Variants in LILRB4 observed in about 807,000 individuals in gnomAD.
LILRB4 encodes the protein leukocyte immunoglobulin like receptor B4, also known as leukocyte immunoglobulin-like receptor subfamily B member 4.
Under a neutral mutation model 55.2 loss-of-function variants are expected in LILRB4, and 49 were observed. The ratio of observed to expected loss-of-function variants is 0.89; its 90% CI spans 0.71 to 1.13. The LOEUF is 1.13. LILRB4 is among the 50% of genes most tolerant of loss of function. The probability of loss-of-function intolerance (pLI) is 0.00; values close to 1 mark genes in which losing one functional copy is unlikely to be tolerated. For synonymous variants in LILRB4, 229 were observed against 213.8 expected (o/e 1.07, Z -0.62); for missense variants, 590 against 555.2 (o/e 1.06, Z -0.63).
chr19:54,666,688 C>A lies in LILRB4; in HGVS notation c.989-9C>A. On this transcript the variant is annotated splice_polypyrimidine_tract_variant and intron_variant, in intron 9 of 11. Coordinates refer to ENST00000430952, the Ensembl canonical transcript of LILRB4. The surrounding 1 kb of genome is among the most constrained non-coding windows in gnomAD (Gnocchi z 4.8). ...CCCAGGAGATGAACCCCTTGCTCTACCCCAGCAGGTGCTGCCGTGAAGAAC... is the reference window on the plus strand; with the variant it reads ...CCCAGGAGATGAACCCCTTGCTCTAACCCAGCAGGTGCTGCCGTGAAGAAC... The A allele has an allele frequency of 1.2e-6, 2 of 1,613,900 alleles. No individual in the cohort carries two copies. Among genetic ancestry groups the A allele is most frequent in the South Asian group, 2.2e-5 (2 of 91,068 alleles).
chr19:54,664,699 C>A (rs2065186083), intron 4 of LILRB4, 100 bp from the exon 5 acceptor site: 1 of 1,087,600 alleles, frequency 9.2e-7, no homozygotes, highest in Non-Finnish European at 1.3e-6. Context: ...GAGAAATGGT[C>A]CTTGGGAAGC....
At chr19:54,663,438 CGTCT>C (rs1283712348) in intron 1 of LILRB4, 90 bp from the exon 2 acceptor site, 15 of 559,440 alleles carry the variant, frequency 2.7e-5, no homozygotes, top group Non-Finnish European at 3.9e-5. Flanking sequence ...AGCGAGACTC[CGTCT>C]CAAAAAAAAA....
intron 3 of LILRB4, 42 bp downstream of exon 3, chr19:54,664,080 C>T (rs779048956): frequency 6.2e-7 from 1 of 1,607,254 alleles, no homozygotes; most frequent in Non-Finnish European, 8.5e-7. Flanking sequence ...GCTCTGCCCT[C>T]AGGAAGGGGG....
exon 4 of LILRB4, chr19:54,664,215 C>T: frequency 6.2e-7 from 1 of 1,613,978 alleles, no homozygotes; most frequent in Non-Finnish European, 8.5e-7. Flanking sequence ...CCTTTCAGCC[C>T]TGCCGAGTCC....
rs1293285686 is a variant in LILRB4, at chr19:54,663,172, C to G, written c.34+105C>G. On this transcript the variant is annotated intron_variant, in intron 1 of 11. Coordinates refer to ENST00000430952, the Ensembl canonical transcript of LILRB4. ...ACTCAAAAATCTCAGGGTAGCCGGGCGCGGTGGCTCACGCCTGTAATCCCA... is the reference window on the plus strand; with the variant it reads ...ACTCAAAAATCTCAGGGTAGCCGGGGGCGGTGGCTCACGCCTGTAATCCCA... 1.8e-5 allele frequency: 24 copies of G among 1,337,934 alleles called. No individual in the cohort carries two copies. The East Asian group carries it at 5.5e-4, about 31-fold the overall frequency. The allele number at this position is 1,337,934 out of a possible 1,614,324, so 82.9% of individuals were successfully genotyped here. A position where few individuals can be genotyped will look rare whatever the true frequency, so the allele number is the denominator to read the frequency against.
chr19:54,667,822 G>T (rs749578799), intron 11 of LILRB4, 29 bp downstream of exon 11: 1 of 1,605,696 alleles, frequency 6.2e-7, no homozygotes, highest in African/African-American at 1.4e-5. Context: ...AGGCCCCCAG[G>T]CCTCCCCCAC....
In LILRB4 at chr19:54,666,736, A is replaced by C; in HGVS notation, c.1028A>C (p.Glu343Ala). The change falls in exon 10 of 12, where the codon GAA (glutamate) becomes GCA (alanine). Residue 343 changes from glutamate (E) to alanine (A), a missense_variant. Transcript: ENST00000430952. The surrounding 1 kb of genome is among the most constrained non-coding windows in gnomAD (Gnocchi z 4.8). ...AACACACAGCCTGAGGACGGGGTGGAAATGGACACTCGGGTGAGAACCCGC... is the reference window on the plus strand; with the variant it reads ...AACACACAGCCTGAGGACGGGGTGGCAATGGACACTCGGGTGAGAACCCGC... 6.2e-7 allele frequency: 1 copy of C among 1,614,184 alleles called. No homozygotes were observed. The highest frequency in any genetic ancestry group is 1.1e-5 in the South Asian group (1 of 91,078).
Position 54,666,720 on chromosome 19 carries a change from C to T in LILRB4, c.1012C>T (p.Pro338Ser), listed in dbSNP as rs117405938. 3.1e-3 allele frequency: 5,006 copies of T among 1,614,128 alleles called. 23 individuals carry two copies. The highest frequency in any genetic ancestry group is 3.1e-3 in the Non-Finnish European group (3,695 of 1,179,942). ...AGGTGCTGCCGTGAAGAACACACAGCCTGAGGACGGGGTGGAAATGGACAC... is the reference window on the plus strand; with the variant it reads ...AGGTGCTGCCGTGAAGAACACACAGTCTGAGGACGGGGTGGAAATGGACAC... The change falls in exon 10 of 12, where the codon CCT becomes TCT. Residue 338 changes from proline (P) to serine (S), a missense_variant. Transcript: ENST00000430952. The surrounding 1 kb of genome is among the most constrained non-coding windows in gnomAD (Gnocchi z 4.8).
At chr19:54,663,509 C>G (rs1252108573) in intron 1 of LILRB4, 23 bp from the exon 2 acceptor site, 1 of 1,612,680 alleles carries the variant, frequency 6.2e-7, no homozygotes, top group South Asian at 1.1e-5. Context: ...GGGGCAAATC[C>G]CTCACAGGGA....
chr19:54,663,960 G>C, exon 3 of LILRB4: 1 of 1,614,168 alleles, frequency 6.2e-7, no homozygotes, highest in Non-Finnish European at 8.5e-7. Context: ...AGAGGACTAT[G>C]CAGGGAGATA....
Position 54,666,737 on chromosome 19 carries a change from A to C in LILRB4, c.1029A>C (p.Glu343Asp), listed in dbSNP as rs144393412. The C allele has an allele frequency of 6.2e-7, 1 of 1,614,156 alleles. No individual in the cohort carries two copies. Among genetic ancestry groups the C allele is most frequent in the Non-Finnish European group, 8.5e-7 (1 of 1,179,998 alleles). ...ACACACAGCCTGAGGACGGGGTGGA[A>C]ATGGACACTCGGGTGAGAACCCGCC... Residue 343 changes from glutamate (E) to aspartate (D), a missense_variant, in exon 10 of 12, where the codon GAA becomes GAC. Physicochemically the swap from Glu to Asp is conservative, Grantham distance 45. Transcript: ENST00000430952. The surrounding 1 kb of genome is among the most constrained non-coding windows in gnomAD (Gnocchi z 4.8).
At chr19:54,663,261 A>G (rs1162724804) in intron 1 of LILRB4, among the ~76,000 whole-genome samples, 194 bp downstream of exon 1, 2 of 151,846 alleles carry the variant, frequency 1.3e-5, no homozygotes, top group Non-Finnish European at 2.9e-5. Context: ...CCTGGCTAAC[A>G]CGGTGAAACC....
At chr19:54,663,959 T>C (rs763961666) in exon 3 of LILRB4, 7 of 1,614,104 alleles carry the variant, frequency 4.3e-6, no homozygotes, top group South Asian at 1.1e-5. Context: ...CAGAGGACTA[T>C]GCAGGGAGAT....
chr19:54,664,887 G>A, intron 5 of LILRB4, 38 bp downstream of exon 5: 2 of 1,584,224 alleles, frequency 1.3e-6, no homozygotes, highest in South Asian at 2.2e-5. Context: ...AGTTTCCAAA[G>A]CCCGAGGCCT....
rs553541840 is a variant in LILRB4 at position 54,666,204 on chromosome 19, G to A, written c.875-36G>A. On this transcript the variant is annotated intron_variant, in intron 7 of 11. Coordinates refer to ENST00000430952, the Ensembl canonical transcript of LILRB4. This position sits in a 1 kb window ranked among gnomAD's most constrained non-coding sequence, Gnocchi z 4.8. ...CATGTGCAAGGCAGGTGGTTCTAAC[G>A]TTCCCAGAGCTGAGACTCTGTCCAT... The A allele has an allele frequency of 1.7e-5, 26 of 1,540,250 alleles. No homozygotes were observed. The highest frequency in any genetic ancestry group is 6.8e-5 in the East Asian group (3 of 44,330).
At chr19:54,667,719 C>T in exon 11 of LILRB4, 1 of 1,611,282 alleles carries the variant, frequency 6.2e-7, no homozygotes, top group Middle Eastern at 2.2e-4. Flanking sequence ...GGCCTCTCCT[C>T]CCTCCCCACT....
At chr19:54,664,810 G>A (rs751199433) in exon 5 of LILRB4, 3 of 1,595,796 alleles carry the variant, frequency 1.9e-6, no homozygotes, top group South Asian at 1.1e-5. Context: ...ATCCTTGGAG[G>A]GTCCCAGGCC....
In LILRB4 at chr19:54,666,117, C is replaced by A; in HGVS notation, c.875-123C>A. On this transcript the variant is annotated intron_variant, in intron 7 of 11. Coordinates refer to ENST00000430952, the Ensembl canonical transcript of LILRB4. This position sits in a 1 kb window ranked among gnomAD's most constrained non-coding sequence, Gnocchi z 4.8. ...GCTTTATTCTTTCGGTTTTTCTAAA[C>A]TTAGAAAGTATTTAAAACATCCTTG... 1 of 1,258,286 alleles carries A rather than the reference C, an allele frequency of 7.9e-7. No homozygotes were observed. Among genetic ancestry groups the A allele is most frequent in the Non-Finnish European group, 1.1e-6 (1 of 902,276 alleles). 77.9% of individuals were successfully genotyped at this position (1,258,286 alleles called of 1,614,324 possible).
At chr19:54,668,164 AC>A (rs1304639218) in exon 12 of LILRB4, 2 of 860,362 alleles carry the variant, frequency 2.3e-6, no homozygotes, top group Middle Eastern at 4.6e-4. Context: ...GTTGGGAGTC[AC>A]CTGATTCTGC....
Sources: gnomAD v4.1 joint callset for allele counts (sites outside exome capture counted in the v4.1 genomes callset) on GRCh38, gnomAD v4.1.1 for gene constraint, Gnocchi (gnomAD v3.1) non-coding constraint, MANE v1.5 for transcripts, NCBI Gene and HGNC (gene_info 2026-07-23, HGNC 2026-07-21) for gene names.